The following BMP5 variants were observed in gnomAD, a reference collection of about 807,000 sequenced individuals.
The protein encoded by BMP5 is bone morphogenetic protein 5.
Under a neutral mutation model 46.6 loss-of-function variants are expected in BMP5, and 23 were observed. That is an observed-to-expected ratio of 0.49 (90% CI 0.35 to 0.70). BMP5 has a LOEUF of 0.70. BMP5 is among the 30% of genes least tolerant of loss of function. The pLI is 0.00. For missense variants in BMP5, 545 were observed against 565.6 expected (o/e 0.96, Z 0.37); for synonymous variants, 204 against 191.9 (o/e 1.06, Z -0.52).
chr6:55,850,011 C>G (rs1305570415), intron 1 of BMP5, among the ~76,000 whole-genome samples: 1 of 152,048 alleles, frequency 6.6e-6, no homozygotes, highest in Non-Finnish European at 1.5e-5. Flanking sequence ...TACATAGTAT[C>G]TTTCAAGGTC....
At chr6:55,791,970 A>G (rs1206765468) in intron 3 of BMP5, among the ~76,000 whole-genome samples, 1 of 152,204 alleles carries the variant, frequency 6.6e-6, no homozygotes, top group Non-Finnish European at 1.5e-5. Context: ...ATAAATGTAC[A>G]GTAGCTTAAC....
chr6:55,858,376 G>A (rs1317543275), intron 1 of BMP5, among the ~76,000 whole-genome samples: 1 of 151,980 alleles, frequency 6.6e-6, no homozygotes, highest in African/African-American at 2.4e-5. Flanking sequence ...AATGAGTTGA[G>A]TTGGCTGAAA....
intron 1 of BMP5, among the ~76,000 whole-genome samples, chr6:55,821,370 T>G (rs1776406503): frequency 6.6e-6 from 1 of 152,080 alleles, no homozygotes; most frequent in Non-Finnish European, 1.5e-5. Context: ...TGTAGCTACA[T>G]TTGGGGGCAT....
intron 2 of BMP5, among the ~76,000 whole-genome samples, chr6:55,817,665 G>A (rs1328276362): frequency 6.6e-6 from 1 of 152,018 alleles, no homozygotes; most frequent in Non-Finnish European, 1.5e-5. Flanking sequence ...ACGAGTTAAT[G>A]GGTGCAGCAC....
At chr6:55,862,937 T>TC (rs1310219986) in intron 1 of BMP5, among the ~76,000 whole-genome samples, 1 of 152,214 alleles carries the variant, frequency 6.6e-6, no homozygotes, top group African/African-American at 2.4e-5. Flanking sequence ...TAATTTTACT[T>TC]GGTGCTAGAT....
At chr6:55,857,655 T>A (rs1282558281) in intron 1 of BMP5, among the ~76,000 whole-genome samples, 2 of 152,244 alleles carry the variant, frequency 1.3e-5, no homozygotes, top group South Asian at 4.1e-4. Flanking sequence ...GGTAAATGCA[T>A]GCAATTACTA....
intron 1 of BMP5, among the ~76,000 whole-genome samples, chr6:55,843,847 C>CA (rs943355368): frequency 2.0e-5 from 3 of 151,604 alleles, no homozygotes; most frequent in Admixed American, 6.6e-5. Flanking sequence ...CTGCCTTGAA[C>CA]AAAAAAAGAT....
chr6:55,768,503 G>A (rs193149859), intron 4 of BMP5, among the ~76,000 whole-genome samples: 27 of 152,000 alleles, frequency 1.8e-4, no homozygotes, highest in Non-Finnish European at 4.4e-5. Flanking sequence ...AATGTTATGG[G>A]CATGTGTAAG....
chr6:55,802,018 TA>T (rs1201629016), intron 2 of BMP5, among the ~76,000 whole-genome samples: 1 of 152,200 alleles, frequency 6.6e-6, no homozygotes, highest in African/African-American at 2.4e-5. Flanking sequence ...TTATATGATC[TA>T]AATCAGTAAC....
intron 1 of BMP5, among the ~76,000 whole-genome samples, chr6:55,866,478 A>G (rs1489741372): frequency 1.3e-5 from 2 of 152,330 alleles, no homozygotes; most frequent in Middle Eastern, 3.4e-3. Flanking sequence ...TGAGAATATC[A>G]TATGATTCCA....
chr6:55,808,122 T>G (rs1776036262), intron 2 of BMP5, among the ~76,000 whole-genome samples: 1 of 152,160 alleles, frequency 6.6e-6, no homozygotes, highest in African/African-American at 2.4e-5. Context: ...TGACCACCCC[T>G]CCCACTAGGG....
intron 1 of BMP5, among the ~76,000 whole-genome samples, chr6:55,846,816 T>C (rs1777108474): frequency 6.6e-6 from 1 of 151,172 alleles, no homozygotes; most frequent in African/African-American, 2.4e-5. Flanking sequence ...AAGTTTTATA[T>C]ATTCAAATAT....
intron 1 of BMP5, among the ~76,000 whole-genome samples, chr6:55,823,124 A>G (rs1256645362): frequency 6.6e-6 from 1 of 152,106 alleles, no homozygotes; most frequent in Non-Finnish European, 1.5e-5. Flanking sequence ...TGACAGCTAC[A>G]TAGTAACAGA....
intron 1 of BMP5, among the ~76,000 whole-genome samples, chr6:55,840,860 C>A (rs953869731): frequency 6.6e-6 from 1 of 152,234 alleles, no homozygotes. Flanking sequence ...TAGTATAGTT[C>A]TCCTTAGGCT....
chr6:55,812,225 T>C (rs1776153284), intron 2 of BMP5, among the ~76,000 whole-genome samples: 1 of 152,212 alleles, frequency 6.6e-6, no homozygotes, highest in African/African-American at 2.4e-5. Flanking sequence ...TTTTACCAAG[T>C]AAAATATAGA....
intron 1 of BMP5, among the ~76,000 whole-genome samples, chr6:55,872,463 T>C (rs1439982125): frequency 1.3e-5 from 2 of 151,658 alleles, no homozygotes; most frequent in Non-Finnish European, 3.0e-5. Context: ...AATAAACTGC[T>C]ATGTTATTAT....
intron 6 of BMP5, among the ~76,000 whole-genome samples, chr6:55,758,568 T>C (rs927559595): frequency 2.0e-5 from 3 of 151,934 alleles, no homozygotes; most frequent in Admixed American, 2.0e-4. Context: ...GTATACTACA[T>C]TGAAGAACTT....
chr6:55,865,296 A>G (rs763781977), intron 1 of BMP5: 1 of 392,066 alleles, frequency 2.6e-6, no homozygotes, highest in African/African-American at 2.1e-5. Flanking sequence ...TTCTAATTGT[A>G]TATTACTACC....
chr6:55,807,132 A>G (rs1582080894), intron 2 of BMP5, among the ~76,000 whole-genome samples: 1 of 152,284 alleles, frequency 6.6e-6, no homozygotes, highest in East Asian at 1.9e-4. Flanking sequence ...GAGAGGGGGC[A>G]TCCTTATCTT....
Sources: allele counts gnomAD v4.1 joint callset (sites outside exome capture counted in the v4.1 genomes callset), GRCh38; gene constraint gnomAD v4.1.1; transcripts MANE v1.5; gene names NCBI Gene and HGNC (gene_info 2026-07-23, HGNC 2026-07-21).